The following PTPRT variants were observed in gnomAD, a reference collection of about 807,000 sequenced individuals.
PTPRT encodes receptor-type tyrosine-protein phosphatase T.
PTPRT carries 56 observed loss-of-function variants against 176.8 expected under a neutral mutation model. The ratio of observed to expected loss-of-function variants is 0.32; its 90% confidence interval spans 0.26 to 0.40. PTPRT has a LOEUF of 0.40. PTPRT is among the 10% of genes least tolerant of loss of function. PTPRT has a pLI of 1.00. For missense variants in PTPRT, 1,540 were observed against 1,908.2 expected, an observed-to-expected ratio of 0.81 and a Z score of 3.60; for synonymous variants, 783 against 739.0, an observed-to-expected ratio of 1.06 and a Z score of -0.96.
rs565422191 is a variant in PTPRT at position 42,454,390 on chromosome 20, A to T, written c.1451-6061T>A. Among the ~76,000 whole-genome samples, 8 of 152,312 alleles carry T rather than the reference A, an allele frequency of 5.3e-5. No individual in the cohort carries two copies. In the South Asian group the frequency reaches 1.7e-3, roughly 32 times the overall value. On this transcript the variant is annotated intron_variant, in intron 8 of 30. Coordinates refer to ENST00000373187, the MANE Select transcript of PTPRT (RefSeq NM_007050.6). ...GTCTATTCCTATGACTGAAGGGCTTATCTATCTTTGTTTTTACAGTGTAAT... is the reference window on the plus strand; with the variant it reads ...GTCTATTCCTATGACTGAAGGGCTTTTCTATCTTTGTTTTTACAGTGTAAT...
intron 2 of PTPRT, among the ~76,000 whole-genome samples, chr20:42,818,719 G>A (rs1038490609): frequency 6.6e-6 from 1 of 152,188 alleles, no homozygotes; most frequent in Non-Finnish European, 1.5e-5. Context: ...ACCTGATGGA[G>A]CTGAAAAACA....
At chr20:43,162,029 T>G (rs2014713851) in intron 1 of PTPRT, among the ~76,000 whole-genome samples, 1 of 152,214 alleles carries the variant, frequency 6.6e-6, no homozygotes, top group Non-Finnish European at 1.5e-5. Flanking sequence ...GCTAATATGG[T>G]GATTCCTGTT....
intron 13 of PTPRT, 68 bp downstream of exon 13, chr20:42,282,421 T>C: frequency 1.2e-5 from 18 of 1,452,686 alleles, no homozygotes; most frequent in Non-Finnish European, 1.7e-5. Flanking sequence ...TCTTTCTCTG[T>C]GTGGCTAGAA....
chr20:42,557,278 C>G (rs1042054249), intron 7 of PTPRT, among the ~76,000 whole-genome samples: 1 of 152,120 alleles, frequency 6.6e-6, no homozygotes, highest in African/African-American at 2.4e-5. Flanking sequence ...AGCAACCAGA[C>G]AGTCTGCTCC....
chr20:42,044,293 A>G, the PTPRT span, among the ~76,000 whole-genome samples: 1,057 of 152,344 alleles, frequency 6.9e-3, 12 homozygotes, highest in African/African-American at 0.024. Context: ...TTTGGAGAAG[A>G]GTTGTGTGCT....
At chr20:42,200,059 A>AAT (rs2146679554) in intron 15 of PTPRT, among the ~76,000 whole-genome samples, 1 of 89,706 alleles carries the variant, frequency 1.1e-5, no homozygotes, top group African/African-American at 4.2e-5. Context: ...GTCACAAAAA[A>AAT]ATACACACAC....
At chr20:42,537,839 G>A (rs574364132) in intron 7 of PTPRT, among the ~76,000 whole-genome samples, 53 of 152,190 alleles carry the variant, frequency 3.5e-4, no homozygotes, top group African/African-American at 1.2e-3. Flanking sequence ...CTTCACTGAC[G>A]TCTGAAACAA....
rs2145550371 is a variant in PTPRT at position 42,791,414 on chromosome 20, G to A, written c.267C>T (p.His89=). ...TCTCCTTCAGGGTTGGCAGGAGAAG[G>A]TGGGCCTTCTGGCCAGAGGCTCTCC... ...SSGRASGQKA[H]LLLPTLKEND... is the part of the protein sequence containing the mutation. The change falls in exon 3 of 31, where the codon CAC becomes CAT. Residue 89 remains histidine (H), a synonymous_variant. Transcript: ENST00000373187. The A allele has an allele frequency of 6.2e-7, 1 of 1,614,002 alleles. No individual in the cohort carries two copies. Among genetic ancestry groups the A allele is most frequent in the Non-Finnish European group, 8.5e-7 (1 of 1,179,896 alleles).
intron 1 of PTPRT, among the ~76,000 whole-genome samples, chr20:43,019,424 T>A (rs112882923): frequency 6.6e-6 from 1 of 151,912 alleles, no homozygotes; most frequent in East Asian, 1.9e-4. Flanking sequence ...ATTGACACCA[T>A]CCTGGCCAAC....
At chr20:42,288,381 G>A (rs2057265981) in intron 12 of PTPRT, among the ~76,000 whole-genome samples, 1 of 151,924 alleles carries the variant, frequency 6.6e-6, no homozygotes, top group African/African-American at 2.4e-5. Flanking sequence ...AAGATTCAGA[G>A]GGTTGGTGTG....
At chr20:42,458,927 A>C (rs948886043) in intron 8 of PTPRT, among the ~76,000 whole-genome samples, 5 of 152,178 alleles carry the variant, frequency 3.3e-5, no homozygotes, top group African/African-American at 9.6e-5. Flanking sequence ...GTCTCTGTGG[A>C]ATGCATTCTA....
intron 9 of PTPRT, among the ~76,000 whole-genome samples, chr20:42,447,356 G>A (rs1255982542): frequency 6.6e-6 from 1 of 151,946 alleles, no homozygotes; most frequent in African/African-American, 2.4e-5. Context: ...TCTACCAAAG[G>A]TAACTCAGGA....
intron 2 of PTPRT, among the ~76,000 whole-genome samples, chr20:42,792,227 G>C (rs1170534372): frequency 6.6e-6 from 1 of 152,172 alleles, no homozygotes; most frequent in African/African-American, 2.4e-5. Context: ...GCCCAACCTA[G>C]ATCAGCCAAT....
chr20:42,096,286 A>ATTTT lies in PTPRT; in HGVS notation c.3846+2131_3846+2134dup, dbSNP rs1985220682. Among the ~76,000 whole-genome samples the ATTTT allele has an allele frequency of 2.6e-5, 4 of 151,576 alleles. 1 individual carries two copies. In the South Asian group the frequency reaches 8.3e-4, roughly 32 times the overall value. On this transcript the variant is annotated intron_variant, in intron 27 of 30. Coordinates refer to ENST00000373187, the MANE Select transcript of PTPRT (RefSeq NM_007050.6). ...TTTTTATTCTTACCCTTTTTTTGCA[A>ATTTT]TTTTTATTTTTTTTATTTTTTAAGA...
At chr20:42,668,479 G>A (rs893865159) in intron 7 of PTPRT, among the ~76,000 whole-genome samples, 12 of 152,106 alleles carry the variant, frequency 7.9e-5, no homozygotes, top group Non-Finnish European at 1.5e-5. Flanking sequence ...ACAATAATGA[G>A]ACTTCATGGG....
At chr20:43,166,831 T>C (rs1225050836) in intron 1 of PTPRT, among the ~76,000 whole-genome samples, 4 of 152,110 alleles carry the variant, frequency 2.6e-5, no homozygotes, top group Admixed American at 6.5e-5. Flanking sequence ...TATAAATGAA[T>C]AATAATAAAG....
intron 16 of PTPRT, among the ~76,000 whole-genome samples, chr20:42,190,085 T>C (rs1990936184): frequency 6.6e-6 from 1 of 152,180 alleles, no homozygotes; most frequent in Non-Finnish European, 1.5e-5. Flanking sequence ...TATTCAATAA[T>C]TCCTGTAAGA....
chr20:42,744,174 A>AC (rs2076656267), intron 6 of PTPRT, among the ~76,000 whole-genome samples: 1 of 152,168 alleles, frequency 6.6e-6, no homozygotes, highest in Non-Finnish European at 1.5e-5. Context: ...TGCAAGACCT[A>AC]CCCTTCAGGA....
intron 9 of PTPRT, among the ~76,000 whole-genome samples, chr20:42,360,062 C>A (rs6102802): frequency 6.6e-6 from 1 of 152,194 alleles, no homozygotes; most frequent in African/African-American, 2.4e-5. Flanking sequence ...AAAACAAACT[C>A]GAAATCCAGC....
Sources: allele counts gnomAD v4.1 joint callset (sites outside exome capture counted in the v4.1 genomes callset), GRCh38; gene constraint gnomAD v4.1.1; transcripts MANE v1.5; gene names NCBI Gene and HGNC (gene_info 2026-07-23, HGNC 2026-07-21).